Variants in GPR39 observed in about 807,000 individuals in gnomAD.
The protein encoded by GPR39 is zinc sensing receptor.
A neutral mutation model predicts 18.4 loss-of-function variants in GPR39; 23 were observed. That is an observed-to-expected ratio of 1.25 (90% CI 0.90 to 1.77). GPR39 has a LOEUF of 1.77. Among genes scored for constraint, GPR39 ranks in the 40% most tolerant of loss-of-function variants. GPR39 has a pLI of 0.00. For missense variants in GPR39, 647 were observed against 602.4 expected (o/e 1.07, Z -0.78); for synonymous variants, 280 against 257.9 (o/e 1.09, Z -0.82).
intron 1 of GPR39, among the ~76,000 whole-genome samples, chr2:132,481,816 A>G (rs1248887236): frequency 8.5e-5 from 13 of 152,306 alleles, no homozygotes; most frequent in Non-Finnish European, 1.5e-5. Flanking sequence ...AACCTTGGAG[A>G]AGAAGATGAA....
intron 1 of GPR39, among the ~76,000 whole-genome samples, chr2:132,502,760 A>C (rs115007343): frequency 0.058 from 8,852 of 152,198 alleles, 371 homozygotes; most frequent in Non-Finnish European, 0.093. Context: ...GGCTTTGTTC[A>C]TTTTAAAAAA....
chr2:132,549,758 A>G (rs1181528163), intron 1 of GPR39, among the ~76,000 whole-genome samples: 3 of 152,106 alleles, frequency 2.0e-5, no homozygotes, highest in Non-Finnish European at 4.4e-5. Flanking sequence ...ACTGCATTCT[A>G]ATCCGGTGAC....
intron 1 of GPR39, among the ~76,000 whole-genome samples, chr2:132,493,571 A>G (rs1681567967): frequency 6.7e-6 from 1 of 149,926 alleles, no homozygotes; most frequent in African/African-American, 2.5e-5. Flanking sequence ...ACAGGATTGG[A>G]TATGGGGGAG....
At chr2:132,426,121 A>G (rs1160591809) in intron 1 of GPR39, among the ~76,000 whole-genome samples, 1 of 152,304 alleles carries the variant, frequency 6.6e-6, no homozygotes, top group South Asian at 2.1e-4. Flanking sequence ...GACAGGTTCA[A>G]TCTCCAGAAG....
chr2:132,499,757 G>C (rs1351009080), intron 1 of GPR39, among the ~76,000 whole-genome samples: 1 of 152,064 alleles, frequency 6.6e-6, no homozygotes, highest in African/African-American at 2.4e-5. Flanking sequence ...GTGTTTTGTA[G>C]TTTTTCCTTG....
intron 1 of GPR39, among the ~76,000 whole-genome samples, chr2:132,522,221 C>G (rs1386502076): frequency 1.3e-5 from 2 of 152,200 alleles, no homozygotes; most frequent in Non-Finnish European, 2.9e-5. Context: ...GATGCCCTCT[C>G]TGGGCTCCTA....
At chr2:132,562,489 G>A (rs190547013) in intron 1 of GPR39, among the ~76,000 whole-genome samples, 32 of 152,122 alleles carry the variant, frequency 2.1e-4, no homozygotes, top group African/African-American at 7.2e-4. Flanking sequence ...GATTTCTTAC[G>A]GTTCTCTGCA....
intron 1 of GPR39, among the ~76,000 whole-genome samples, chr2:132,561,150 C>T (rs993369906): frequency 6.6e-6 from 1 of 152,042 alleles, no homozygotes; most frequent in Non-Finnish European, 1.5e-5. Context: ...CAACTCCTGA[C>T]CTCATGATCC....
At chr2:132,456,701 T>A (rs1230267705) in intron 1 of GPR39, among the ~76,000 whole-genome samples, 1 of 152,224 alleles carries the variant, frequency 6.6e-6, no homozygotes, top group Non-Finnish European at 1.5e-5. Flanking sequence ...CAGCATTTGC[T>A]TGTCTGTAAA....
chr2:132,447,948 A>C (rs1293069670), intron 1 of GPR39, among the ~76,000 whole-genome samples: 1 of 152,188 alleles, frequency 6.6e-6, no homozygotes, highest in African/African-American at 2.4e-5. Flanking sequence ...GTGTCTTGGA[A>C]CAGGGCAAAG....
chr2:132,436,646 G>A (rs3762468), intron 1 of GPR39, among the ~76,000 whole-genome samples: 59,745 of 151,712 alleles, frequency 0.39, 12,726 homozygotes, highest in African/African-American at 0.57. Flanking sequence ...TATCAGAGGT[G>A]GGTAGTATTT....
At chr2:132,503,962 C>A (rs1679089147) in intron 1 of GPR39, among the ~76,000 whole-genome samples, 1 of 152,240 alleles carries the variant, frequency 6.6e-6, no homozygotes, top group Admixed American at 6.5e-5. Flanking sequence ...CCCCCAACAG[C>A]ACTGAGTCTA....
chr2:132,416,967 A>G lies in GPR39; in HGVS notation c.-76A>G. The G allele has an allele frequency of 1.9e-6, 3 of 1,542,602 alleles. No individual in the cohort carries two copies. Among genetic ancestry groups the G allele is most frequent in the Non-Finnish European group, 2.6e-6 (3 of 1,143,164 alleles). On this transcript the variant is annotated 5_prime_UTR_variant, in exon 1 of 2. Coordinates refer to ENST00000329321, the MANE Select transcript of GPR39 (RefSeq NM_001508.3). ...GCCCACGCAGGTGAGTTTGCAGCCA[A>G]GAATTTTGGACGCTGCTGGGAGGAG... is the stretch of plus-strand genomic sequence containing the variant.
chr2:132,435,498 A>G (rs924097851), intron 1 of GPR39, among the ~76,000 whole-genome samples: 6 of 152,208 alleles, frequency 3.9e-5, no homozygotes, highest in Non-Finnish European at 8.8e-5. Flanking sequence ...GTTATTGGTA[A>G]GGCTTCCAGT....
chr2:132,506,854 C>G (rs528255699), intron 1 of GPR39, among the ~76,000 whole-genome samples: 24 of 139,112 alleles, frequency 1.7e-4, no homozygotes, highest in African/African-American at 6.2e-4. Flanking sequence ...GACCAATGTC[C>G]TAAAGTGTTT....
At chr2:132,547,071 G>C (rs753900330) in intron 1 of GPR39, among the ~76,000 whole-genome samples, 1 of 151,994 alleles carries the variant, frequency 6.6e-6, no homozygotes, top group Non-Finnish European at 1.5e-5. Context: ...AAGCCGCACC[G>C]ACAGAGGGTC....
intron 1 of GPR39, among the ~76,000 whole-genome samples, chr2:132,457,879 C>T (rs1450549621): frequency 2.0e-5 from 3 of 152,232 alleles, no homozygotes; most frequent in Non-Finnish European, 2.9e-5. Context: ...CCTCACAGTT[C>T]GATCTTGGAC....
At chr2:132,540,065 A>C (rs1679835055) in intron 1 of GPR39, among the ~76,000 whole-genome samples, 1 of 152,096 alleles carries the variant, frequency 6.6e-6, no homozygotes, top group Non-Finnish European at 1.5e-5. Flanking sequence ...ACCCTCACTC[A>C]CATCCTACAC....
At position 132,646,149 on chromosome 2, in the gene GPR39, C is replaced by A. The variant is rs775735234; in HGVS notation, c.*543C>A. The stretch of plus-strand genomic sequence containing the variant: ...CTTCCCCTTTTCTTGGGCCTTGGCC[C>A]GTTACAAAGAGGGGTGTTGCAGCAG... On this transcript the variant is annotated 3_prime_UTR_variant, in exon 2 of 2. Coordinates refer to ENST00000329321, the MANE Select transcript of GPR39 (RefSeq NM_001508.3). The A allele has an allele frequency of 6.2e-7, 1 of 1,611,628 alleles. No homozygotes were observed. Among genetic ancestry groups the A allele is most frequent in the South Asian group, 1.1e-5 (1 of 90,612 alleles).
Sources: gnomAD v4.1 joint callset for allele counts (sites outside exome capture counted in the v4.1 genomes callset) on GRCh38, gnomAD v4.1.1 for gene constraint, MANE v1.5 for transcripts, NCBI Gene and HGNC (gene_info 2026-07-23, HGNC 2026-07-21) for gene names.